The following HSD17B12 variants were observed in gnomAD, a reference collection of about 807,000 sequenced individuals.
HSD17B12 encodes hydroxysteroid 17-beta dehydrogenase 12, also known as very-long-chain 3-oxoacyl-CoA reductase.
In HSD17B12, 32 loss-of-function variants were observed where a neutral mutation model predicts 39.3. That is an observed-to-expected ratio of 0.81 (90% confidence interval 0.61 to 1.09). The LOEUF is 1.09. Ranked by LOEUF, HSD17B12 falls within the 50% of genes least tolerant of loss-of-function variation. The probability of loss-of-function intolerance (pLI) is 0.00; values close to 1 mark genes in which losing one functional copy is unlikely to be tolerated. For missense variants in HSD17B12, 342 were observed against 382.9 expected, an observed-to-expected ratio of 0.89 and a Z score of 0.89; for synonymous variants, 150 against 146.7, an observed-to-expected ratio of 1.02 and a Z score of -0.16.
At chr11:43,830,220 T>C (rs965400952) in intron 6 of HSD17B12, 1 of 152,210 alleles carries the variant, frequency 6.6e-6, no homozygotes, top group African/African-American at 2.4e-5. Flanking sequence ...GAATTGATGA[T>C]ATCCAGGAGT....
At chr11:43,849,604 G>T (rs943917020) in intron 9 of HSD17B12, among the ~76,000 whole-genome samples, 2 of 152,108 alleles carry the variant, frequency 1.3e-5, no homozygotes, top group Non-Finnish European at 2.9e-5. Context: ...CAGATCTTTG[G>T]TTATAAGTCA....
chr11:43,753,304 A>G (rs1950481333), intron 2 of HSD17B12, among the ~76,000 whole-genome samples: 1 of 151,902 alleles, frequency 6.6e-6, no homozygotes, highest in Non-Finnish European at 1.5e-5. Flanking sequence ...TTATGTTTTT[A>G]GGAATTTTTA....
At chr11:43,734,195 C>T in intron 1 of HSD17B12, 1 of 1,571,942 alleles carries the variant, frequency 6.4e-7, no homozygotes, top group Non-Finnish European at 8.6e-7. Flanking sequence ...GGTCTCCAGG[C>T]AGGTGAGCGA....
chr11:43,639,907 A>G, the HSD17B12 span, among the ~76,000 whole-genome samples: 2 of 152,170 alleles, frequency 1.3e-5, no homozygotes, highest in African/African-American at 4.8e-5. Context: ...ATTCACCTGT[A>G]TGAGAACCCT....
intron 1 of HSD17B12, among the ~76,000 whole-genome samples, chr11:43,736,518 G>A (rs778038177): frequency 5.9e-5 from 9 of 152,030 alleles, no homozygotes; most frequent in Non-Finnish European, 8.8e-5. Context: ...TTGTAAACTG[G>A]GCATTTTCTT....
chr11:43,654,096 G>A, the HSD17B12 span, among the ~76,000 whole-genome samples: 3 of 152,018 alleles, frequency 2.0e-5, no homozygotes, highest in Non-Finnish European at 2.9e-5. Context: ...TCTAACTGGT[G>A]TGAGATGGTA....
chr11:43,798,480 T>C, intron 4 of HSD17B12, 53 bp downstream of exon 4: 2 of 1,176,396 alleles, frequency 1.7e-6, no homozygotes, highest in Non-Finnish European at 2.5e-6. Context: ...TATTTGACTT[T>C]ATGACTTTGG....
At chr11:43,734,295 C>A in intron 1 of HSD17B12, 2 of 1,179,032 alleles carry the variant, frequency 1.7e-6, no homozygotes, top group East Asian at 2.3e-5. Flanking sequence ...TTCACAGAAG[C>A]CGTGGAAGCC....
the HSD17B12 span, among the ~76,000 whole-genome samples, chr11:43,643,896 GAAGTT>G: frequency 5.5e-4 from 84 of 152,314 alleles, no homozygotes; most frequent in African/African-American, 1.9e-3. Flanking sequence ...AAGATTAATT[GAAGTT>G]AAGTGTCCCC....
upstream of HSD17B12, chr11:43,680,719 C>G: frequency 1.0e-6 from 1 of 970,882 alleles, no homozygotes; most frequent in Non-Finnish European, 1.6e-6. Context: ...AAAGTGGTGT[C>G]GGAGCAGCGC....
the HSD17B12 span, among the ~76,000 whole-genome samples, chr11:43,631,197 GA>G: frequency 6.6e-6 from 1 of 152,196 alleles, no homozygotes; most frequent in Non-Finnish European, 1.5e-5. Context: ...AAAGGAGACT[GA>G]AGGTTGGTGC....
the HSD17B12 span, among the ~76,000 whole-genome samples, chr11:43,651,894 A>T: frequency 1.3e-5 from 2 of 152,242 alleles, no homozygotes; most frequent in Non-Finnish European, 2.9e-5. Flanking sequence ...CCATTTAAAT[A>T]GCACCAGAAA....
chr11:43,798,297 G>T (rs373329510), intron 3 of HSD17B12, 23 bp from the exon 4 acceptor site: 1 of 1,432,834 alleles, frequency 7.0e-7, no homozygotes, highest in South Asian at 1.2e-5. Flanking sequence ...GTCTCTCCCC[G>T]TTTGTGTTTT....
chr11:43,781,801 C>T (rs1950768326), intron 3 of HSD17B12, among the ~76,000 whole-genome samples: 1 of 151,964 alleles, frequency 6.6e-6, no homozygotes, highest in Admixed American at 6.6e-5. Flanking sequence ...TTTTTAAGGC[C>T]AAATTTGTGT....
At chr11:43,610,273 T>C in the HSD17B12 span, among the ~76,000 whole-genome samples, 3 of 152,244 alleles carry the variant, frequency 2.0e-5, no homozygotes, top group Admixed American at 6.5e-5. Flanking sequence ...TTATATCTTA[T>C]GCATCTACAT....
At chr11:43,672,049 TA>T in the HSD17B12 span, among the ~76,000 whole-genome samples, 3 of 152,320 alleles carry the variant, frequency 2.0e-5, no homozygotes, top group South Asian at 4.1e-4. Context: ...TCTTATTTTT[TA>T]TTTTTTATTT....
Position 43,815,462 on chromosome 11 carries a change from G to T in HSD17B12, c.417G>T (p.Glu139Asp). The change falls in exon 5 of 11, where the codon GAG becomes GAT. Residue 139 changes from glutamate to aspartate, a missense_variant. By Grantham distance (45) the Glu-to-Asp change is conservative. Transcript: ENST00000278353. ...TGAACAACGTGGGAATGTCGTATGA[G>T]TATCCTGAATACTTTTTGGATGTTC... Reference protein sequence around the residue: ...ILVNNVGMSYEYPEYFLDVPD... With the variant: ...ILVNNVGMSYDYPEYFLDVPD... 1 of 1,580,706 alleles carries T rather than the reference G, an allele frequency of 6.3e-7. No individual in the cohort carries two copies. The highest frequency in any genetic ancestry group is 8.6e-7 in the Non-Finnish European group (1 of 1,156,634).
chr11:43,834,840 A>G (rs918340411), intron 7 of HSD17B12, among the ~76,000 whole-genome samples: 1 of 152,242 alleles, frequency 6.6e-6, no homozygotes, highest in Middle Eastern at 3.4e-3. Flanking sequence ...ATATGTTTAT[A>G]TGAAAAGGTA....
At chr11:43,768,234 A>G (rs747682220) in intron 3 of HSD17B12, among the ~76,000 whole-genome samples, 3 of 152,268 alleles carry the variant, frequency 2.0e-5, no homozygotes, top group Non-Finnish European at 4.4e-5. Context: ...ATCAACAGAT[A>G]AAACACAAAC....
Sources: gnomAD v4.1 joint callset for allele counts (sites outside exome capture counted in the v4.1 genomes callset) on GRCh38, gnomAD v4.1.1 for gene constraint, MANE v1.5 for transcripts, NCBI Gene and HGNC (gene_info 2026-07-23, HGNC 2026-07-21) for gene names.